Variants in NEGR1 observed in about 807,000 individuals in gnomAD.
The protein encoded by NEGR1 is neuronal growth regulator 1.
NEGR1 carries 10 observed loss-of-function variants against 40.9 expected under a neutral mutation model. That is an observed-to-expected ratio of 0.24 (90% CI 0.15 to 0.42). The LOEUF is 0.42. NEGR1 is among the 10% of genes least tolerant of loss of function. The probability of loss-of-function intolerance (pLI) is 1.00; values close to 1 mark genes in which losing one functional copy is unlikely to be tolerated. For missense variants in NEGR1, 352 were observed against 438.9 expected (o/e 0.80, Z 1.77); for synonymous variants, 185 against 166.8 (o/e 1.11, Z -0.84).
intron 2 of NEGR1, among the ~76,000 whole-genome samples, chr1:71,852,709 A>G (rs1249956278): frequency 1.3e-5 from 2 of 152,114 alleles, no homozygotes; most frequent in East Asian, 1.9e-4. Context: ...GAAAAAGACA[A>G]GACTGGAGGC....
rs558365885 is a variant in NEGR1 at position 71,840,811 on chromosome 1, A to C, written c.410-64514T>G. Among the ~76,000 whole-genome samples the C allele has an allele frequency of 4.6e-5, 7 of 152,304 alleles. No homozygotes were observed. In the South Asian group the frequency reaches 1.0e-3, roughly 23 times the overall value. ...TGTGAGAATGTTTTGAAATGAAATT[A>C]ACATTTAATTGGAAATATTTTAAAT... On this transcript the variant is annotated intron_variant, in intron 2 of 6. Coordinates refer to ENST00000357731, the MANE Select transcript of NEGR1 (RefSeq NM_173808.3).
chr1:72,102,741 A>T (rs915316298), intron 1 of NEGR1, among the ~76,000 whole-genome samples: 3 of 152,112 alleles, frequency 2.0e-5, no homozygotes, highest in Admixed American at 6.6e-5. Context: ...GTATCATGAT[A>T]CATTTATATT....
At chr1:71,620,313 G>A (rs1412158922) in intron 4 of NEGR1, among the ~76,000 whole-genome samples, 1 of 151,998 alleles carries the variant, frequency 6.6e-6, no homozygotes, top group African/African-American at 2.4e-5. Context: ...AAATAAGCAT[G>A]TTGACCTTAG....
intron 1 of NEGR1, among the ~76,000 whole-genome samples, chr1:71,955,905 C>T (rs1007665440): frequency 6.6e-6 from 1 of 152,094 alleles, no homozygotes; most frequent in Non-Finnish European, 1.5e-5. Context: ...AAACGTAGTT[C>T]TTTGTGGAGG....
chr1:71,758,650 G>T (rs1655826224), intron 3 of NEGR1, among the ~76,000 whole-genome samples: 1 of 152,068 alleles, frequency 6.6e-6, no homozygotes, highest in Non-Finnish European at 1.5e-5. Flanking sequence ...TATTCATTTT[G>T]AGTGAAGAAA....
intron 1 of NEGR1, among the ~76,000 whole-genome samples, chr1:72,120,180 A>T (rs937745296): frequency 6.6e-6 from 1 of 151,892 alleles, no homozygotes. Context: ...AATTTGAAAA[A>T]TTTTTCATAA....
chr1:72,213,341 T>C (rs1653679997), intron 1 of NEGR1, among the ~76,000 whole-genome samples: 1 of 151,806 alleles, frequency 6.6e-6, no homozygotes, highest in Admixed American at 6.6e-5. Context: ...TCCATATGCT[T>C]AGAAGATTTT....
chr1:72,055,863 A>T (rs867689915), intron 1 of NEGR1, among the ~76,000 whole-genome samples: 3 of 148,932 alleles, frequency 2.0e-5, no homozygotes, highest in Non-Finnish European at 4.5e-5. Flanking sequence ...GCACAAGGAA[A>T]CAAACAAAAA....
chr1:72,011,018 A>G (rs1473215873), intron 1 of NEGR1, among the ~76,000 whole-genome samples: 1 of 152,188 alleles, frequency 6.6e-6, no homozygotes, highest in Non-Finnish European at 1.5e-5. Flanking sequence ...TAACTGACTC[A>G]GATTAAGGAA....
chr1:72,234,322 T>C (rs1489042046), intron 1 of NEGR1, among the ~76,000 whole-genome samples: 1 of 152,128 alleles, frequency 6.6e-6, no homozygotes, highest in East Asian at 1.9e-4. Flanking sequence ...GTCTTGTTCT[T>C]TTTTATGGCT....
intron 1 of NEGR1, among the ~76,000 whole-genome samples, chr1:72,125,563 C>A (rs1420930113): frequency 6.6e-6 from 1 of 151,820 alleles, no homozygotes; most frequent in Admixed American, 6.6e-5. Flanking sequence ...CTTTAAAATA[C>A]AATGGAACTT....
At chr1:72,037,458 G>T (rs940020136) in intron 1 of NEGR1, among the ~76,000 whole-genome samples, 1 of 152,052 alleles carries the variant, frequency 6.6e-6, no homozygotes, top group Non-Finnish European at 1.5e-5. Context: ...GATAGAGCCA[G>T]GAAATAAACG....
chr1:71,491,914 A>G (rs1474601347), intron 6 of NEGR1, among the ~76,000 whole-genome samples: 1 of 152,114 alleles, frequency 6.6e-6, no homozygotes, highest in Non-Finnish European at 1.5e-5. Context: ...AGGTGATGGT[A>G]TTAGAAGGTA....
At chr1:71,812,393 A>T (rs1658035252) in intron 2 of NEGR1, among the ~76,000 whole-genome samples, 2 of 152,108 alleles carry the variant, frequency 1.3e-5, no homozygotes, top group Admixed American at 6.6e-5. Flanking sequence ...AATAATTTAT[A>T]TTCTTCTTGG....
chr1:71,609,254 G>A lies in NEGR1; in HGVS notation c.788+1772C>T, dbSNP rs12744586. On this transcript the variant is annotated intron_variant, in intron 5 of 6. Coordinates refer to ENST00000357731, the MANE Select transcript of NEGR1 (RefSeq NM_173808.3). ...TGTATGGCCGGGCGCGGTGGCTCAC[G>A]CCTGTAATCCCAGCACTTTGGGAGG... is the stretch of plus-strand genomic sequence containing the variant. Among the ~76,000 whole-genome samples, 72 of 151,726 alleles carry A rather than the reference G, an allele frequency of 4.7e-4. 1 individual carries two copies. Among genetic ancestry groups the A allele is most frequent in the Admixed American group, 3.5e-3 (54 of 15,236 alleles).
At chr1:71,557,144 T>C (rs1393467041) in intron 6 of NEGR1, among the ~76,000 whole-genome samples, 2 of 151,678 alleles carry the variant, frequency 1.3e-5, no homozygotes, top group African/African-American at 4.8e-5. Context: ...TAGTCCTTTA[T>C]GGTAGAGATA....
At chr1:71,415,447 G>C (rs977113748) in intron 6 of NEGR1, among the ~76,000 whole-genome samples, 2 of 151,874 alleles carry the variant, frequency 1.3e-5, no homozygotes, top group African/African-American at 4.8e-5. Flanking sequence ...TATCTACTCA[G>C]CATCAATTAC....
chr1:71,661,677 T>G (rs989238555), intron 4 of NEGR1, among the ~76,000 whole-genome samples: 1 of 152,120 alleles, frequency 6.6e-6, no homozygotes, highest in Non-Finnish European at 1.5e-5. Context: ...ATGTGAAAAA[T>G]GAGAATTAGA....
intron 6 of NEGR1, among the ~76,000 whole-genome samples, chr1:71,475,776 G>T (rs1375302783): frequency 6.6e-6 from 1 of 151,892 alleles, no homozygotes; most frequent in African/African-American, 2.4e-5. Flanking sequence ...TCAATTAACA[G>T]CTTATATTCC....
Sources: allele counts gnomAD v4.1 joint callset (sites outside exome capture counted in the v4.1 genomes callset), GRCh38; gene constraint gnomAD v4.1.1; transcripts MANE v1.5; gene names NCBI Gene and HGNC (gene_info 2026-07-23, HGNC 2026-07-21).